The following LRPAP1 variants were observed in gnomAD, a reference collection of about 807,000 sequenced individuals.
LRPAP1 encodes the protein LDL receptor related protein associated protein 1.
LRPAP1 carries 41 observed loss-of-function variants against 39.9 expected under a neutral mutation model. The ratio of observed to expected loss-of-function variants is 1.03; its 90% CI spans 0.80 to 1.33. LRPAP1 has a LOEUF of 1.33. Ranked by LOEUF, LRPAP1 falls within the 40% of genes most tolerant of loss-of-function variation. The pLI, the probability that LRPAP1 is intolerant of heterozygous loss-of-function variation, is 0.00. For synonymous variants in LRPAP1, 263 were observed against 212.7 expected, an observed-to-expected ratio of 1.24 and a Z score of -2.06; for missense variants, 565 against 482.3, an observed-to-expected ratio of 1.17 and a Z score of -1.61.
Position 3,511,817 on chromosome 4 carries a change from T to C in LRPAP1, c.*1157A>G, listed in dbSNP as rs1390225127. The C allele has an allele frequency of 8.6e-6, 1 of 116,246 alleles. No homozygotes were observed. The allele number at this position is 116,246 out of a possible 1,614,324, so 7.2% of individuals were successfully genotyped here. A position where few individuals can be genotyped will look rare whatever the true frequency, so the allele number is the denominator to read the frequency against. On this transcript the variant is annotated 3_prime_UTR_variant, in exon 8 of 8. Coordinates refer to ENST00000650182, the MANE Select transcript of LRPAP1 (RefSeq NM_002337.4). ...AGCCGGACCCGAGCCTCTTCCAGGCTCAGACACGGGAAGGGAACCACGCCC... is the reference window on the plus strand; with the variant it reads ...AGCCGGACCCGAGCCTCTTCCAGGCCCAGACACGGGAAGGGAACCACGCCC...
Position 3,506,283 on chromosome 4 carries a change from C to CT in LRPAP1, c.*6690dup, listed in dbSNP as rs997394335. 1 of 151,492 alleles carries CT rather than the reference C, an allele frequency of 6.6e-6. No individual in the cohort carries two copies. Among genetic ancestry groups the CT allele is most frequent in the African/African-American group, 2.4e-5 (1 of 41,210 alleles). The allele number at this position is 151,492 out of a possible 1,614,324, so 9.4% of individuals were successfully genotyped here. A position where few individuals can be genotyped will look rare whatever the true frequency, so the allele number is the denominator to read the frequency against. On this transcript the variant is annotated 3_prime_UTR_variant, in exon 8 of 8. Transcript: ENST00000650182. ...ATTTTGTGATGTTGGCCAGGCTGGT[C>CT]TCAAACTCCTGGCCTCAAGTGATCT...
chr4:3,523,495 C>T (rs940350747), intron 2 of LRPAP1, among the ~76,000 whole-genome samples: 2 of 152,218 alleles, frequency 1.3e-5, no homozygotes, highest in Non-Finnish European at 2.9e-5. Flanking sequence ...GACATGTCTG[C>T]TGATGCCTGC....
intron 6 of LRPAP1, among the ~76,000 whole-genome samples, chr4:3,515,569 A>C (rs1729666028): frequency 6.6e-6 from 1 of 152,078 alleles, no homozygotes; most frequent in Non-Finnish European, 1.5e-5. Flanking sequence ...GGGTGAACTC[A>C]TGGCCGGATA....
chr4:3,532,350 G>T lies in LRPAP1; in HGVS notation c.63C>A (p.Leu21=). Residue 21 remains leucine (L), a synonymous_variant, in exon 1 of 8, where the codon CTC becomes CTA. Coordinates refer to ENST00000650182, the MANE Select transcript of LRPAP1 (RefSeq NM_002337.4). The part of the protein sequence containing the change: ...RGLPALLLLL[L]FLGPWPAASH... Reference sequence around the variant, plus strand: ...TCGCAGCGGGCCAGGGCCCGAGGAAGAGCAGCAGCAGTAGCAGCGCCGGGA... The same window carrying T: ...TCGCAGCGGGCCAGGGCCCGAGGAATAGCAGCAGCAGTAGCAGCGCCGGGA... 6.3e-7 allele frequency: 1 copy of T among 1,594,446 alleles called. No individual in the cohort carries two copies. The highest frequency in any genetic ancestry group is 1.7e-5 in the Admixed American group (1 of 57,938).
At chr4:3,513,071 C>T (rs565450105) in intron 7 of LRPAP1, 35 bp from the exon 8 acceptor site, 83 of 1,564,274 alleles carry the variant, frequency 5.3e-5, no homozygotes, top group Middle Eastern at 1.7e-4. Flanking sequence ...CTGGGGACAG[C>T]GCGCCTCGAG....
At position 3,506,546 on chromosome 4, in the gene LRPAP1, A is replaced by C. The variant is rs1457875024; in HGVS notation, c.*6428T>G. 1 of 149,966 alleles carries C rather than the reference A, an allele frequency of 6.7e-6. No homozygotes were observed. The highest frequency in any genetic ancestry group is 1.5e-5 in the Non-Finnish European group (1 of 67,714). 9.3% of individuals were successfully genotyped at this position (149,966 alleles called of 1,614,324 possible). A position where few individuals can be genotyped will look rare whatever the true frequency, so the allele number is the denominator to read the frequency against. ...TGCCACCATGCCTGGCTAATTTTTT[A>C]TTTTTAGTAGAGATGGGGTTTCACC... On this transcript the variant is annotated 3_prime_UTR_variant, in exon 8 of 8. Transcript: ENST00000650182.
At chr4:3,519,510 C>T (rs1266758410) in intron 3 of LRPAP1, among the ~76,000 whole-genome samples, 1 of 152,216 alleles carries the variant, frequency 6.6e-6, no homozygotes, top group African/African-American at 2.4e-5. Flanking sequence ...TGGGCTAGTA[C>T]AAGAAGTCTA....
intron 2 of LRPAP1, among the ~76,000 whole-genome samples, chr4:3,521,414 T>G (rs1729905798): frequency 6.6e-6 from 1 of 152,016 alleles, no homozygotes; most frequent in Non-Finnish European, 1.5e-5. Flanking sequence ...ACAGAACTAC[T>G]CCCAGCGGGG....
intron 4 of LRPAP1, among the ~76,000 whole-genome samples, chr4:3,518,401 C>T (rs1348323917): frequency 1.4e-4 from 21 of 152,214 alleles, no homozygotes; most frequent in Non-Finnish European, 2.5e-4. Flanking sequence ...CCGGGACACG[C>T]GCACCAAGTG....
chr4:3,504,528 T>C lies in LRPAP1; in HGVS notation c.*8446A>G, dbSNP rs546890784. 34 of 152,274 alleles carry C rather than the reference T, an allele frequency of 2.2e-4. 1 individual carries two copies. Among genetic ancestry groups the C allele is most frequent in the Admixed American group, 6.5e-4 (10 of 15,294 alleles). The allele number at this position is 152,274 out of a possible 1,614,324, so 9.4% of individuals were successfully genotyped here. A position where few individuals can be genotyped will look rare whatever the true frequency, so the allele number is the denominator to read the frequency against. On this transcript the variant is annotated 3_prime_UTR_variant, in exon 8 of 8. Transcript: ENST00000650182. ...ACTTTGGGAGGCCGAGGTGGGCGGATTGCCTGAGGTCAGGAGTTCGAGACC... is the reference window on the plus strand; with the variant it reads ...ACTTTGGGAGGCCGAGGTGGGCGGACTGCCTGAGGTCAGGAGTTCGAGACC...
Position 3,520,204 on chromosome 4 carries a change from G to T in LRPAP1, c.350-11C>A. The T allele has an allele frequency of 6.2e-7, 1 of 1,611,432 alleles. No homozygotes were observed. Among genetic ancestry groups the T allele is most frequent in the Non-Finnish European group, 8.5e-7 (1 of 1,178,220 alleles). Reference sequence around the variant, plus strand: ...ACTTGGCCAAGATGACTAGGAGAGAGGGGAGGTTCTATTTGATATGGTTTC... The same window carrying T: ...ACTTGGCCAAGATGACTAGGAGAGATGGGAGGTTCTATTTGATATGGTTTC... On this transcript the variant is annotated splice_polypyrimidine_tract_variant and intron_variant, in intron 2 of 7. Coordinates refer to ENST00000650182, the MANE Select transcript of LRPAP1 (RefSeq NM_002337.4).
intron 6 of LRPAP1, chr4:3,515,803 C>G: frequency 2.4e-6 from 1 of 420,580 alleles, no homozygotes; most frequent in Non-Finnish European, 4.4e-6. Flanking sequence ...TTGGTCCCCT[C>G]CCCCCAGGCT....
At position 3,512,326 on chromosome 4, in the gene LRPAP1, A is replaced by C. The variant is rs1729552102; in HGVS notation, c.*648T>G. The C allele has an allele frequency of 6.6e-6, 1 of 152,516 alleles. No individual in the cohort carries two copies. 9.4% of individuals were successfully genotyped at this position (152,516 alleles called of 1,614,324 possible). ...CTGAGCTGCAGAGGTGAGAGTTGAA[A>C]GACGCTGCCCCCAGGCCACAGTCTC... is the stretch of plus-strand genomic sequence containing the variant. On this transcript the variant is annotated 3_prime_UTR_variant, in exon 8 of 8. Transcript: ENST00000650182.
At chr4:3,514,958 C>A (rs747623396) in intron 6 of LRPAP1, 30 bp from the exon 7 acceptor site, 2 of 1,608,076 alleles carry the variant, frequency 1.2e-6, no homozygotes, top group South Asian at 1.1e-5. Context: ...GGTGAGTGTT[C>A]CCTTCCCGTG....
At chr4:3,532,150 G>A (rs1577214737) in intron 1 of LRPAP1, 59 bp downstream of exon 1, 1 of 1,519,310 alleles carries the variant, frequency 6.6e-7, no homozygotes. Flanking sequence ...CCGCTCCAAC[G>A]ACCCCAACCA....
chr4:3,518,804 G>A, intron 4 of LRPAP1, 67 bp downstream of exon 4: 1 of 1,130,442 alleles, frequency 8.8e-7, no homozygotes, highest in Non-Finnish European at 1.2e-6. Context: ...CGAGCCTCAG[G>A]TGCAGGAGGG....
chr4:3,515,753 C>T (rs1729671715), intron 6 of LRPAP1: 1 of 282,510 alleles, frequency 3.5e-6, no homozygotes, highest in Non-Finnish European at 6.8e-6. Flanking sequence ...GCCTCCATCT[C>T]AGGAAGTGGT....
chr4:3,531,982 C>A lies in LRPAP1; in HGVS notation c.204+227G>T, dbSNP rs975140154. ...CTGACCCTCGGGGTGCCGGCCGCCA[C>A]CTGCTTCACACGGCGTCGTCGCCGG... On this transcript the variant is annotated intron_variant, in intron 1 of 7. Transcript: ENST00000650182. 3 of 588,064 alleles carry A rather than the reference C, an allele frequency of 5.1e-6. No homozygotes were observed. In the African/African-American group the frequency reaches 5.9e-5, roughly 12 times the overall value. 36.4% of individuals were successfully genotyped at this position (588,064 alleles called of 1,614,324 possible).
Position 3,514,888 on chromosome 4 carries a change from T to C in LRPAP1, c.875A>G (p.Asn292Ser), listed in dbSNP as rs747797286. The change falls in exon 7 of 8, where the codon AAC (asparagine) becomes AGC (serine). Residue 292 changes from asparagine (N) to serine (S), a missense_variant. By Grantham distance (46) the Asn-to-Ser change is conservative. Coordinates refer to ENST00000650182, the MANE Select transcript of LRPAP1 (RefSeq NM_002337.4). ...AATCTCCAGCTGCTTCTGGTAGTGG[T>C]TGTGCTTCTCGATTTTGGCTTCGAA... ...KHFEAKIEKH[N>S]HYQKQLEIAH... The C allele has an allele frequency of 1.3e-5, 21 of 1,613,712 alleles. No homozygotes were observed. The highest frequency in any genetic ancestry group is 1.8e-5 in the Non-Finnish European group (21 of 1,179,898).
Sources: gnomAD v4.1 joint callset for allele counts (sites outside exome capture counted in the v4.1 genomes callset) on GRCh38, gnomAD v4.1.1 for gene constraint, MANE v1.5 for transcripts, NCBI Gene and HGNC (gene_info 2026-07-23, HGNC 2026-07-21) for gene names.